Variants in IGFL2 observed in about 807,000 individuals in gnomAD.
IGFL2 encodes IGF like family member 2.
In IGFL2, 7 loss-of-function variants were observed where a neutral mutation model predicts 13.9. That is an observed-to-expected ratio of 0.51 (90% CI 0.29 to 0.95). IGFL2 has a LOEUF of 0.95. Among genes scored for constraint, IGFL2 ranks in the 40% least tolerant of loss-of-function variants. The pLI, the probability that IGFL2 is intolerant of heterozygous loss-of-function variation, is 0.08. For synonymous variants in IGFL2, 55 were observed against 55.8 expected, an observed-to-expected ratio of 0.99 and a Z score of 0.07; for missense variants, 138 against 147.8, an observed-to-expected ratio of 0.93 and a Z score of 0.34.
At chr19:46,085,735 A>G in the IGFL2 span, among the ~76,000 whole-genome samples, 1 of 152,180 alleles carries the variant, frequency 6.6e-6, no homozygotes, top group Non-Finnish European at 1.5e-5. Flanking sequence ...CATATACTTA[A>G]GTGTGTTTTT....
At chr19:46,120,165 C>A in the IGFL2 span, 2 of 943,970 alleles carry the variant, frequency 2.1e-6, no homozygotes, top group Non-Finnish European at 3.0e-6. Context: ...CATTCTTCCC[C>A]TGAAGTCTGG....
upstream of IGFL2, among the ~76,000 whole-genome samples, chr19:46,141,939 C>G (rs1972878397): frequency 6.6e-6 from 1 of 152,112 alleles, no homozygotes. Flanking sequence ...CTCCTTTTAC[C>G]TCACCCCTCC....
chr19:46,128,941 C>G, the IGFL2 span, among the ~76,000 whole-genome samples: 1 of 152,154 alleles, frequency 6.6e-6, no homozygotes, highest in Admixed American at 6.5e-5. Context: ...CTTTGTACAT[C>G]TGGTAGAATT....
chr19:46,127,297 A>G, the IGFL2 span, among the ~76,000 whole-genome samples: 1 of 152,140 alleles, frequency 6.6e-6, no homozygotes, highest in Non-Finnish European at 1.5e-5. Context: ...GGCTGTGGTG[A>G]GCTGTGATGG....
chr19:46,092,373 G>A, the IGFL2 span, among the ~76,000 whole-genome samples: 1 of 151,824 alleles, frequency 6.6e-6, no homozygotes, highest in African/African-American at 2.4e-5. Context: ...GCTCACACCT[G>A]TAATCCCAGC....
the IGFL2 span, among the ~76,000 whole-genome samples, chr19:46,083,753 TGAGAG>T: frequency 5.3e-5 from 8 of 152,118 alleles, no homozygotes; most frequent in South Asian, 2.1e-4. Context: ...CACAGAAAGT[TGAGAG>T]GAGAGTAAGT....
chr19:46,199,027 C>T, the IGFL2 span, among the ~76,000 whole-genome samples: 1 of 152,206 alleles, frequency 6.6e-6, no homozygotes, highest in Non-Finnish European at 1.5e-5. Flanking sequence ...CCAGCCCCAC[C>T]GAGGAACCCT....
At chr19:46,081,656 TC>T in the IGFL2 span, among the ~76,000 whole-genome samples, 3 of 152,176 alleles carry the variant, frequency 2.0e-5, no homozygotes, top group African/African-American at 7.2e-5. Context: ...TGGGGAAGAC[TC>T]CACAAGGACA....
chr19:46,174,590 A>C, the IGFL2 span, among the ~76,000 whole-genome samples: 12 of 152,180 alleles, frequency 7.9e-5, no homozygotes, highest in Non-Finnish European at 1.8e-4. Flanking sequence ...GTGACAAGTA[A>C]AGGCACCTCC....
In IGFL2 at chr19:46,160,892, C is replaced by T. The variant is rs548528430; in HGVS notation, c.341+11C>T. On this transcript the variant is annotated intron_variant, in intron 3 of 3. Coordinates refer to ENST00000377693, the MANE Select transcript of IGFL2 (RefSeq NM_001135113.2). ...CAGTAAATGTGAAAGGTAGGGACCC[C>T]GTCCCTGGCCAGGGGGTCGGGGGAA... 75 of 1,612,204 alleles carry T rather than the reference C, an allele frequency of 4.7e-5. 1 individual carries two copies. The South Asian group carries it at 4.8e-4, about 10-fold the overall frequency.
chr19:46,214,467 C>T, the IGFL2 span: 1 of 152,044 alleles, frequency 6.6e-6, no homozygotes, highest in African/African-American at 2.4e-5. Flanking sequence ...GGGAATGAAC[C>T]AGTCTTCTCT....
At chr19:46,215,269 A>G in the IGFL2 span, among the ~76,000 whole-genome samples, 3 of 152,220 alleles carry the variant, frequency 2.0e-5, no homozygotes, top group Non-Finnish European at 1.5e-5. Flanking sequence ...AAATATTCCA[A>G]TAGATAAAAA....
chr19:46,093,950 C>G, the IGFL2 span, among the ~76,000 whole-genome samples: 1 of 151,254 alleles, frequency 6.6e-6, no homozygotes. Flanking sequence ...TATACTGTAG[C>G]CATGGACTGG....
chr19:46,115,954 C>G, the IGFL2 span, among the ~76,000 whole-genome samples: 91 of 152,202 alleles, frequency 6.0e-4, 2 homozygotes, highest in African/African-American at 2.1e-3. Context: ...CTTGCTCTGC[C>G]GCCTGTGTGA....
the IGFL2 span, among the ~76,000 whole-genome samples, chr19:46,088,925 A>ATTTTCCT: frequency 1.3e-5 from 2 of 152,208 alleles, no homozygotes; most frequent in East Asian, 3.8e-4. Flanking sequence ...GAAATAGGAA[A>ATTTTCCT]AGGAAGTCAT....
At chr19:46,090,777 C>T in the IGFL2 span, among the ~76,000 whole-genome samples, 1 of 152,302 alleles carries the variant, frequency 6.6e-6, no homozygotes, top group Admixed American at 6.5e-5. Context: ...TTGAGCTGGC[C>T]TTGCAGGGGC....
the IGFL2 span, chr19:46,101,141 G>C: frequency 5.2e-5 from 8 of 152,440 alleles, no homozygotes; most frequent in African/African-American, 1.9e-4. Flanking sequence ...GATGCTGGTA[G>C]GAACGCTTCT....
the IGFL2 span, among the ~76,000 whole-genome samples, chr19:46,089,921 A>G: frequency 3.9e-5 from 6 of 152,172 alleles, no homozygotes; most frequent in South Asian, 1.0e-3. Flanking sequence ...ACTTTCTGCT[A>G]TTATTTGTTT....
the IGFL2 span, among the ~76,000 whole-genome samples, chr19:46,129,561 CTT>C: frequency 6.6e-6 from 1 of 152,022 alleles, no homozygotes; most frequent in Non-Finnish European, 1.5e-5. Flanking sequence ...TATATTGTAT[CTT>C]TGTTCTCATT....
Sources: gnomAD v4.1 joint callset for allele counts (sites outside exome capture counted in the v4.1 genomes callset) on GRCh38, gnomAD v4.1.1 for gene constraint, MANE v1.5 for transcripts, NCBI Gene and HGNC (gene_info 2026-07-23, HGNC 2026-07-21) for gene names.